Variants in GRM7 observed in about 807,000 individuals in gnomAD.
GRM7 encodes the protein metabotropic glutamate receptor 7.
GRM7 carries 35 observed loss-of-function variants against 84.5 expected under a neutral mutation model. The ratio of observed to expected loss-of-function variants is 0.41; its 90% CI spans 0.32 to 0.55. The LOEUF (loss-of-function observed/expected upper bound fraction) is 0.55, where lower values mean the gene tolerates loss of function less well. Among genes scored for constraint, GRM7 ranks in the 20% least tolerant of loss-of-function variants. GRM7 has a pLI of 0.19. For missense variants in GRM7, 1,003 were observed against 1,194.6 expected (o/e 0.84, Z 2.36); for synonymous variants, 487 against 455.1 (o/e 1.07, Z -0.89).
At chr3:7,001,929 T>C (rs1223864052) in intron 1 of GRM7, among the ~76,000 whole-genome samples, 4 of 152,208 alleles carry the variant, frequency 2.6e-5, no homozygotes, top group Non-Finnish European at 5.9e-5. Context: ...CTTACTGTAG[T>C]ATGCATTAAG....
intron 8 of GRM7, among the ~76,000 whole-genome samples, chr3:7,611,840 G>C (rs914914894): frequency 6.6e-6 from 1 of 152,122 alleles, no homozygotes; most frequent in Admixed American, 6.6e-5. Context: ...GAAATCTGGA[G>C]ACGTGGAACA....
chr3:7,071,281 A>T (rs1377909329), intron 1 of GRM7, among the ~76,000 whole-genome samples: 1 of 152,136 alleles, frequency 6.6e-6, no homozygotes, highest in African/African-American at 2.4e-5. Flanking sequence ...GGAATGAAAT[A>T]GGCAGCATTT....
chr3:7,351,192 A>G (rs747092007), intron 4 of GRM7, among the ~76,000 whole-genome samples: 1 of 151,978 alleles, frequency 6.6e-6, no homozygotes, highest in African/African-American at 2.4e-5. Context: ...GATGTGCCCT[A>G]TAATTGCCAA....
In GRM7 at chr3:7,258,605, T is replaced by C. The variant is rs76180345; in HGVS notation, c.737-40079T>C. On this transcript the variant is annotated intron_variant, in intron 2 of 9. Transcript: ENST00000357716. Reference sequence around the variant, plus strand: ...CTTGATTCTTATGAGATATTTCCAATTTTTAAAAAGTAGATAATAATTTAA... The same window carrying C: ...CTTGATTCTTATGAGATATTTCCAACTTTTAAAAAGTAGATAATAATTTAA... Among the ~76,000 whole-genome samples, 1,296 of 152,342 alleles carry C rather than the reference T, an allele frequency of 8.5e-3. 16 individuals carry two copies. Among genetic ancestry groups the C allele is most frequent in the African/African-American group, 0.03 (1,244 of 41,580 alleles).
At chr3:7,026,968 C>T (rs759131934) in intron 1 of GRM7, among the ~76,000 whole-genome samples, 3 of 152,228 alleles carry the variant, frequency 2.0e-5, no homozygotes, top group African/African-American at 7.2e-5. Flanking sequence ...ATCTCTTGAG[C>T]TTTCAAGCCT....
chr3:7,236,075 G>A (rs570111375), intron 2 of GRM7, among the ~76,000 whole-genome samples: 1 of 152,212 alleles, frequency 6.6e-6, no homozygotes, highest in South Asian at 2.1e-4. Flanking sequence ...ATCCTCATGT[G>A]GTAGAAGGGG....
chr3:7,497,142 G>C (rs1452208233), intron 7 of GRM7, among the ~76,000 whole-genome samples: 1 of 151,876 alleles, frequency 6.6e-6, no homozygotes, highest in Non-Finnish European at 1.5e-5. Context: ...TGGCTCTCTT[G>C]GTCATGAAGT....
intron 2 of GRM7, among the ~76,000 whole-genome samples, chr3:7,288,287 A>G (rs1239115558): frequency 1.3e-5 from 2 of 152,042 alleles, no homozygotes; most frequent in African/African-American, 2.4e-5. Context: ...TTTTTTTACC[A>G]TTTAGATGAC....
At chr3:7,490,725 A>G (rs1405160220) in intron 7 of GRM7, among the ~76,000 whole-genome samples, 1 of 152,196 alleles carries the variant, frequency 6.6e-6, no homozygotes, top group East Asian at 1.9e-4. Context: ...CCTGTTAAAA[A>G]AGTTTTGAGA....
chr3:7,256,005 G>A (rs1321431762), intron 2 of GRM7, among the ~76,000 whole-genome samples: 1 of 152,060 alleles, frequency 6.6e-6, no homozygotes, highest in East Asian at 1.9e-4. Context: ...CAGTCCTGAG[G>A]CAAATGTCCC....
At chr3:7,737,022 C>G (rs370274203) in intron 9 of GRM7, among the ~76,000 whole-genome samples, 1 of 152,122 alleles carries the variant, frequency 6.6e-6, no homozygotes, top group African/African-American at 2.4e-5. Flanking sequence ...CTATGAGGCT[C>G]TCTTTTCTAT....
chr3:7,454,701 A>G (rs949800593), intron 6 of GRM7, among the ~76,000 whole-genome samples: 5 of 152,132 alleles, frequency 3.3e-5, no homozygotes, highest in South Asian at 2.1e-4. Flanking sequence ...CTCATTATCC[A>G]AGATAAAAAT....
chr3:6,937,927 T>A (rs1184719637), intron 1 of GRM7, among the ~76,000 whole-genome samples: 1 of 152,212 alleles, frequency 6.6e-6, no homozygotes, highest in Non-Finnish European at 1.5e-5. Context: ...ATTTAGTTAA[T>A]CCTCACAAGT....
intron 4 of GRM7, among the ~76,000 whole-genome samples, chr3:7,384,645 A>G (rs1242594897): frequency 1.3e-5 from 2 of 152,216 alleles, no homozygotes; most frequent in Non-Finnish European, 2.9e-5. Context: ...TAAGTCTTCA[A>G]AATCTTGGAT....
chr3:6,901,989 A>C (rs1282953824), intron 1 of GRM7, among the ~76,000 whole-genome samples: 1 of 151,778 alleles, frequency 6.6e-6, no homozygotes, highest in African/African-American at 2.4e-5. Context: ...ACTTTTTTTT[A>C]TTTGCCCTAT....
At chr3:7,169,088 T>C (rs965279317) in intron 2 of GRM7, among the ~76,000 whole-genome samples, 1 of 152,222 alleles carries the variant, frequency 6.6e-6, no homozygotes, top group African/African-American at 2.4e-5. Context: ...CCAATCTATG[T>C]GTCCTTTGCT....
intron 7 of GRM7, among the ~76,000 whole-genome samples, chr3:7,530,094 C>CTA (rs1700976221): frequency 1.5e-5 from 2 of 130,820 alleles, no homozygotes; most frequent in South Asian, 6.2e-4. Flanking sequence ...CTCCCCTATC[C>CTA]CCCCCACCCC....
At chr3:7,294,705 G>C (rs907124822) in intron 2 of GRM7, among the ~76,000 whole-genome samples, 1 of 152,158 alleles carries the variant, frequency 6.6e-6, no homozygotes, top group African/African-American at 2.4e-5. Context: ...ACCTAGAGCA[G>C]CGTGGGCCCT....
At chr3:7,437,741 G>A (rs1026329372) in intron 5 of GRM7, among the ~76,000 whole-genome samples, 5 of 151,500 alleles carry the variant, frequency 3.3e-5, no homozygotes, top group Non-Finnish European at 5.9e-5. Context: ...CATCCAGCCC[G>A]CCTCTCTCAA....
Sources: allele counts gnomAD v4.1 joint callset (sites outside exome capture counted in the v4.1 genomes callset), GRCh38; gene constraint gnomAD v4.1.1; transcripts MANE v1.5; gene names NCBI Gene and HGNC (gene_info 2026-07-23, HGNC 2026-07-21).